CCND2: variants seen among roughly 807,000 people sequenced by gnomAD.
CCND2 encodes the protein G1/S-specific cyclin-D2.
Under a neutral mutation model 30.2 loss-of-function variants are expected in CCND2, and 6 were observed. That is an observed-to-expected ratio of 0.20 (90% CI 0.11 to 0.39). CCND2 has a LOEUF of 0.39. Among genes scored for constraint, CCND2 ranks in the 10% least tolerant of loss-of-function variants. The pLI is 1.00. For missense variants in CCND2, 235 were observed against 373.4 expected (o/e 0.63, Z 3.06); for synonymous variants, 150 against 153.1 (o/e 0.98, Z 0.15).
rs967936734 is a variant in CCND2 at position 4,293,517 on chromosome 12, T to C, written c.720+4527T>C. ...TCAGTCGAACCCGTCACCCAGACAG[T>C]GTACACAGTACCCAATAGGGAGTGT... On this transcript the variant is annotated intron_variant, in intron 4 of 4. Coordinates refer to ENST00000261254, the MANE Select transcript of CCND2 (RefSeq NM_001759.4). The surrounding 1 kb of genome is among the most constrained non-coding windows in gnomAD (Gnocchi z 4.9). Among the ~76,000 whole-genome samples the C allele has an allele frequency of 5.9e-5, 9 of 152,358 alleles. No individual in the cohort carries two copies. The highest frequency in any genetic ancestry group is 1.9e-4 in the African/African-American group (8 of 41,586).
At chr12:4,277,348 A>G (rs1446468698) in intron 2 of CCND2, among the ~76,000 whole-genome samples, 1 of 152,216 alleles carries the variant, frequency 6.6e-6, no homozygotes. Flanking sequence ...ATTTCAAGCC[A>G]TCTTTGAAGA....
At chr12:4,297,872 C>G (rs867296582) in intron 4 of CCND2, 1 of 451,580 alleles carries the variant, frequency 2.2e-6, no homozygotes, top group Non-Finnish European at 4.5e-6. Context: ...CAGCCTCGTT[C>G]AGGGTGGCAC....
chr12:4,298,626 A>C (rs898624345), intron 4 of CCND2, among the ~76,000 whole-genome samples: 1 of 152,258 alleles, frequency 6.6e-6, no homozygotes, highest in African/African-American at 2.4e-5. Context: ...AGAATTGCAC[A>C]GTAAAAGAAA....
Position 4,293,520 on chromosome 12 carries a change from A to G in CCND2, c.720+4530A>G, listed in dbSNP as rs1340798183. On this transcript the variant is annotated intron_variant, in intron 4 of 4. Coordinates refer to ENST00000261254, the MANE Select transcript of CCND2 (RefSeq NM_001759.4). The surrounding 1 kb of genome is among the most constrained non-coding windows in gnomAD (Gnocchi z 4.9). ...GTCGAACCCGTCACCCAGACAGTGT[A>G]CACAGTACCCAATAGGGAGTGTTTC... is the stretch of plus-strand genomic sequence containing the variant. Among the ~76,000 whole-genome samples, 4 of 152,230 alleles carry G rather than the reference A, an allele frequency of 2.6e-5. No homozygotes were observed. The highest frequency in any genetic ancestry group is 9.6e-5 in the African/African-American group (4 of 41,458).
chr12:4,287,260 C>T lies in CCND2; in HGVS notation c.572-1582C>T, dbSNP rs754434523. Reference sequence around the variant, plus strand: ...TGGGAGGGGAGGGCTGTGCTTGGCTCAGGGATCCACGGTGTCTAACAATGC... The same window carrying T: ...TGGGAGGGGAGGGCTGTGCTTGGCTTAGGGATCCACGGTGTCTAACAATGC... On this transcript the variant is annotated intron_variant, in intron 3 of 4. Transcript: ENST00000261254. The surrounding 1 kb of genome is among the most constrained non-coding windows in gnomAD (Gnocchi z 4.0). Among the ~76,000 whole-genome samples, 1 of 152,170 alleles carries T rather than the reference C, an allele frequency of 6.6e-6. No homozygotes were observed. The highest frequency in any genetic ancestry group is 1.5e-5 in the Non-Finnish European group (1 of 68,034).
rs749395320 is a variant in CCND2, at chr12:4,274,038, G to C, written c.-3G>C. 1 of 1,609,598 alleles carries C rather than the reference G, an allele frequency of 6.2e-7. No individual in the cohort carries two copies. The highest frequency in any genetic ancestry group is 8.5e-7 in the Non-Finnish European group (1 of 1,177,968). On this transcript the variant is annotated 5_prime_UTR_variant, in exon 1 of 5. Coordinates refer to ENST00000261254, the MANE Select transcript of CCND2 (RefSeq NM_001759.4). This position sits in a 1 kb window ranked among gnomAD's most constrained non-coding sequence, Gnocchi z 7.7. Reference sequence around the variant, plus strand: ...AGGAGGGAGAGGGGCCGCCGGGCTGGCCATGGAGCTGCTGTGCCACGAGGT... The same window carrying C: ...AGGAGGGAGAGGGGCCGCCGGGCTGCCCATGGAGCTGCTGTGCCACGAGGT...
rs924380708 is a variant in CCND2 at position 4,300,087 on chromosome 12, T to C, written c.*78T>C. 7.1e-7 allele frequency: 1 copy of C among 1,408,678 alleles called. No homozygotes were observed. The highest frequency in any genetic ancestry group is 9.4e-7 in the Non-Finnish European group (1 of 1,059,790). 87.3% of individuals were successfully genotyped at this position (1,408,678 alleles called of 1,614,324 possible). ...TCTTTCTGGTTGTTTTTGTTCTTTG[T>C]GTTTTAGGGTGAAACTTAAAAAAAA... On this transcript the variant is annotated 3_prime_UTR_variant, in exon 5 of 5. Transcript: ENST00000261254.
rs1442301626 is a variant in CCND2 at position 4,273,908 on chromosome 12, C to G, written c.-133C>G. On this transcript the variant is annotated 5_prime_UTR_variant, in exon 1 of 5. Coordinates refer to ENST00000261254, the MANE Select transcript of CCND2 (RefSeq NM_001759.4). This position sits in a 1 kb window ranked among gnomAD's most constrained non-coding sequence, Gnocchi z 5.9. Reference sequence around the variant, plus strand: ...CTTCTCTCTCTGCCCTCACCTCTCCCCCGAAAACCCCCTATTTAGCCAAAG... The same window carrying G: ...CTTCTCTCTCTGCCCTCACCTCTCCGCCGAAAACCCCCTATTTAGCCAAAG... 3.6e-6 allele frequency: 3 copies of G among 844,540 alleles called. No homozygotes were observed. The highest frequency in any genetic ancestry group is 5.4e-6 in the Non-Finnish European group (3 of 555,604). The allele number at this position is 844,540 out of a possible 1,614,324, so 52.3% of individuals were successfully genotyped here.
chr12:4,294,270 C>T (rs796850469), intron 4 of CCND2, among the ~76,000 whole-genome samples: 15 of 138,356 alleles, frequency 1.1e-4, no homozygotes, highest in South Asian at 2.4e-4. Flanking sequence ...GGCTTGGGGG[C>T]GGGGGCAGCC....
chr12:4,276,976 T>C lies in CCND2; in HGVS notation c.411+756T>C, dbSNP rs1389482523. 6.6e-6 allele frequency among the ~76,000 whole-genome samples: 1 copy of C among 152,154 alleles called. No homozygotes were observed. Among genetic ancestry groups the C allele is most frequent in the Non-Finnish European group, 1.5e-5 (1 of 68,028 alleles). On this transcript the variant is annotated intron_variant, in intron 2 of 4. Transcript: ENST00000261254. This position sits in a 1 kb window ranked among gnomAD's most constrained non-coding sequence, Gnocchi z 4.8. ...CCTTCGGTGGTTTGCACACCCCTCT[T>C]TGCACTGTTCAGAAAAGCACCCCCT... is the stretch of plus-strand genomic sequence containing the variant.
At chr12:4,288,039 C>T (rs1021719607) in intron 3 of CCND2, among the ~76,000 whole-genome samples, 5 of 152,106 alleles carry the variant, frequency 3.3e-5, no homozygotes, top group African/African-American at 7.2e-5. Flanking sequence ...ACATCGAAAC[C>T]GAGTCACCCA....
rs534297002 is a variant in CCND2 at position 4,274,743 on chromosome 12, G to T, written c.195+508G>T. On this transcript the variant is annotated intron_variant, in intron 1 of 4. Transcript: ENST00000261254. The surrounding 1 kb of genome is among the most constrained non-coding windows in gnomAD (Gnocchi z 7.7). ...GGGAGGAGGGAGAAGGAGAGAAACG[G>T]GGAATTCGGGAGCCCCGGAAGTCCC... Among the ~76,000 whole-genome samples the T allele has an allele frequency of 6.6e-6, 1 of 152,294 alleles. No individual in the cohort carries two copies. The highest frequency in any genetic ancestry group is 6.5e-5 in the Admixed American group (1 of 15,298).
chr12:4,296,704 GGA>G (rs144119112), intron 4 of CCND2, among the ~76,000 whole-genome samples: 50,297 of 97,992 alleles, frequency 0.51, 8,951 homozygotes, highest in Middle Eastern at 0.61. Context: ...TGCCTCTTGG[GGA>G]AAAAAAAAAA....
chr12:4,276,332 C>A lies in CCND2; in HGVS notation c.411+112C>A. 1 of 832,816 alleles carries A rather than the reference C, an allele frequency of 1.2e-6. No homozygotes were observed. The highest frequency in any genetic ancestry group is 1.9e-6 in the Non-Finnish European group (1 of 533,416). 51.6% of individuals were successfully genotyped at this position (832,816 alleles called of 1,614,324 possible). On this transcript the variant is annotated intron_variant, in intron 2 of 4. Coordinates refer to ENST00000261254, the MANE Select transcript of CCND2 (RefSeq NM_001759.4). This position sits in a 1 kb window ranked among gnomAD's most constrained non-coding sequence, Gnocchi z 4.8. ...CAAATTCTTGGGATCCAGAATGACC[C>A]CACCAATAGAATTTACCCACTTATG... is the stretch of plus-strand genomic sequence containing the variant.
chr12:4,287,226 C>T lies in CCND2; in HGVS notation c.572-1616C>T, dbSNP rs1173775036. On this transcript the variant is annotated intron_variant, in intron 3 of 4. Transcript: ENST00000261254. The surrounding 1 kb of genome is among the most constrained non-coding windows in gnomAD (Gnocchi z 4.0). ...CAGGCAGATGGCCAGGTTTGCTCTG[C>T]GTTCATGATGGGAGGGGAGGGCTGT... Among the ~76,000 whole-genome samples the T allele has an allele frequency of 2.6e-5, 4 of 152,106 alleles. No homozygotes were observed. Among genetic ancestry groups the T allele is most frequent in the East Asian group, 1.9e-4 (1 of 5,184 alleles).
At position 4,287,363 on chromosome 12, in the gene CCND2, C is replaced by T. The variant is rs1864038772; in HGVS notation, c.572-1479C>T. ...AAGTGTGTTTGTAATAGAGTGTGTA[C>T]AGGAGGAAGGGGAAATAGGAGAGGG... On this transcript the variant is annotated intron_variant, in intron 3 of 4. Transcript: ENST00000261254. The surrounding 1 kb of genome is among the most constrained non-coding windows in gnomAD (Gnocchi z 4.0). Among the ~76,000 whole-genome samples the T allele has an allele frequency of 6.6e-6, 1 of 152,086 alleles. No individual in the cohort carries two copies. Among genetic ancestry groups the T allele is most frequent in the African/African-American group, 2.4e-5 (1 of 41,388 alleles).
In CCND2 at chr12:4,288,747, C is replaced by T. The variant is rs1354962633; in HGVS notation, c.572-95C>T. On this transcript the variant is annotated intron_variant, in intron 3 of 4. Transcript: ENST00000261254. Reference sequence around the variant, plus strand: ...GCACGGGGTCACTCGCGCCGCTGACCTGCTGCCGTCCTGTTTCTGAGTCTC... The same window carrying T: ...GCACGGGGTCACTCGCGCCGCTGACTTGCTGCCGTCCTGTTTCTGAGTCTC... 5 of 1,284,396 alleles carry T rather than the reference C, an allele frequency of 3.9e-6. No individual in the cohort carries two copies. In the Middle Eastern group the frequency reaches 6.0e-4, roughly 155 times the overall value. 79.6% of individuals were successfully genotyped at this position (1,284,396 alleles called of 1,614,324 possible). A position where few individuals can be genotyped will look rare whatever the true frequency, so the allele number is the denominator to read the frequency against.
At position 4,302,391 on chromosome 12, in the gene CCND2, C is replaced by T. The variant is rs3217924; in HGVS notation, c.*2382C>T. ...AATTCCACCAGGCTGTTTGGAGATCCTCATCTTGGAGCTTTTTCAAAAGCG... is the reference window on the plus strand; with the variant it reads ...AATTCCACCAGGCTGTTTGGAGATCTTCATCTTGGAGCTTTTTCAAAAGCG... On this transcript the variant is annotated 3_prime_UTR_variant, in exon 5 of 5. Transcript: ENST00000261254. The T allele has an allele frequency of 0.03, 7,032 of 233,066 alleles. 309 individuals carry two copies. The highest frequency in any genetic ancestry group is 0.11 in the African/African-American group (5,083 of 45,394). 14.4% of individuals were successfully genotyped at this position (233,066 alleles called of 1,614,324 possible).
Position 4,301,087 on chromosome 12 carries a change from T to G in CCND2, c.*1078T>G, listed in dbSNP as rs1342617023. On this transcript the variant is annotated 3_prime_UTR_variant, in exon 5 of 5. Transcript: ENST00000261254. ...CCTCCCTTCCTGCCCCCAGTCTGGG[T>G]TACTCTTCGCTTCTGGTATCTGGCG... 1 of 233,414 alleles carries G rather than the reference T, an allele frequency of 4.3e-6. No individual in the cohort carries two copies. Among genetic ancestry groups the G allele is most frequent in the African/African-American group, 2.2e-5 (1 of 45,302 alleles). 14.5% of individuals were successfully genotyped at this position (233,414 alleles called of 1,614,324 possible). A position where few individuals can be genotyped will look rare whatever the true frequency, so the allele number is the denominator to read the frequency against.
Sources: gnomAD v4.1 joint callset for allele counts (sites outside exome capture counted in the v4.1 genomes callset) on GRCh38, gnomAD v4.1.1 for gene constraint, Gnocchi (gnomAD v3.1) non-coding constraint, MANE v1.5 for transcripts, NCBI Gene and HGNC (gene_info 2026-07-23, HGNC 2026-07-21) for gene names.